Variants in NCOR2 observed in about 807,000 individuals in gnomAD.
The protein encoded by NCOR2 is CTG repeat protein 26.
NCOR2 carries 81 observed loss-of-function variants against 262.9 expected under a neutral mutation model. That is an observed-to-expected ratio of 0.31 (90% confidence interval 0.26 to 0.37). The LOEUF is 0.37. NCOR2 is among the 10% of genes least tolerant of loss of function. The pLI is 1.00. For synonymous variants in NCOR2, 1,659 were observed against 1,559.3 expected (o/e 1.06, Z -1.51); for missense variants, 3,385 against 3,621.4 (o/e 0.93, Z 1.68).
At chr12:124,337,362 C>T (rs768479022) in intron 37 of NCOR2, 182 bp from the exon 40 acceptor site, 11 of 766,216 alleles carry the variant, frequency 1.4e-5, no homozygotes, top group East Asian at 1.1e-4. Context: ...CCCACTCATT[C>T]GTTCATTCAT....
At chr12:124,337,840 C>A (rs1420263841) in intron 37 of NCOR2, among the ~76,000 whole-genome samples, 1 of 152,204 alleles carries the variant, frequency 6.6e-6, no homozygotes, top group African/African-American at 2.4e-5. Flanking sequence ...ACCCACGTGG[C>A]CTTCCCGGAG....
At chr12:124,341,862 C>T (rs1466370963) in exon 34 of NCOR2, 4 of 1,610,494 alleles carry the variant, frequency 2.5e-6, no homozygotes, top group African/African-American at 1.3e-5. Context: ...AGCGAGGACT[C>T]GCGGGGCGAG....
intron 1 of NCOR2, among the ~76,000 whole-genome samples, chr12:124,559,212 G>C (rs1024391725): frequency 6.6e-6 from 1 of 152,226 alleles, no homozygotes; most frequent in Admixed American, 6.5e-5. Context: ...AGCAGGAGAA[G>C]CAGGGGACCT....
At chr12:124,423,328 C>G (rs11057618) in intron 11 of NCOR2, among the ~76,000 whole-genome samples, 1 of 152,296 alleles carries the variant, frequency 6.6e-6, no homozygotes, top group South Asian at 2.1e-4. Flanking sequence ...CCACAGCCTT[C>G]GCAGGGAGAG....
Position 124,447,281 on chromosome 12 carries a change from G to A in NCOR2, c.815+2534C>T, listed in dbSNP as rs185048210. 5.9e-5 allele frequency among the ~76,000 whole-genome samples: 9 copies of A among 152,298 alleles called. 1 individual carries two copies. The highest frequency in any genetic ancestry group is 2.6e-4 in the Admixed American group (4 of 15,300). On this transcript the variant is annotated intron_variant, in intron 7 of 46. Transcript: ENST00000405201. ...AGATTTGGAACAAATTCAGTGAGGC[G>A]GTTACCTATTTAGTCAAAATGCACT...
chr12:124,433,101 C>T (rs935383971), intron 8 of NCOR2, among the ~76,000 whole-genome samples: 3 of 152,328 alleles, frequency 2.0e-5, no homozygotes, highest in East Asian at 1.9e-4. Flanking sequence ...CCTCCATCCT[C>T]GACAGCCCCG....
chr12:124,327,064 C>T (rs900228217), intron 45 of NCOR2, among the ~76,000 whole-genome samples: 1 of 152,182 alleles, frequency 6.6e-6, no homozygotes, highest in African/African-American at 2.4e-5. Flanking sequence ...TCACTCCAGC[C>T]TGCTCTCCCC....
At chr12:124,398,261 C>A in intron 15 of NCOR2, 80 bp from the exon 18 acceptor site, 1 of 1,493,344 alleles carries the variant, frequency 6.7e-7, no homozygotes, top group Non-Finnish European at 9.3e-7. Flanking sequence ...TCCTTTGAGC[C>A]AGGGAGGGAG....
chr12:124,329,278 A>G (rs2034969799), intron 44 of NCOR2: 1 of 380,846 alleles, frequency 2.6e-6, no homozygotes, highest in Non-Finnish European at 5.2e-6. Flanking sequence ...CCTGGCCAAT[A>G]TGATGAAACC....
upstream of NCOR2, among the ~76,000 whole-genome samples, chr12:124,498,098 G>A (rs1370470721): frequency 6.6e-6 from 1 of 152,242 alleles, no homozygotes; most frequent in East Asian, 1.9e-4. Flanking sequence ...CACTTCTGCA[G>A]GGTGCTGTTC....
At position 124,355,625 on chromosome 12, in the gene NCOR2, C is replaced by T. The variant is rs1012550868; in HGVS notation, c.3242-54G>A. 8.4e-5 allele frequency: 126 copies of T among 1,492,704 alleles called. No individual in the cohort carries two copies. The African/African-American group carries it at 1.1e-3, about 13-fold the overall frequency. 92.5% of individuals were successfully genotyped at this position (1,492,704 alleles called of 1,614,324 possible). On this transcript the variant is annotated intron_variant, in intron 23 of 46. Coordinates refer to ENST00000405201, the Ensembl canonical transcript of NCOR2. ...GGCCCAGGAGCGGTCACGTCCCTGC[C>T]GGACACACACTCCAGGCTGCACTCC... is the stretch of plus-strand genomic sequence containing the variant.
At chr12:124,418,401 G>A (rs2043022235) in intron 13 of NCOR2, among the ~76,000 whole-genome samples, 1 of 152,178 alleles carries the variant, frequency 6.6e-6, no homozygotes. Context: ...CAGACACTGG[G>A]ACCCCGCCCC....
chr12:124,420,577 C>T (rs1179999053), intron 12 of NCOR2, among the ~76,000 whole-genome samples: 6 of 152,228 alleles, frequency 3.9e-5, no homozygotes, highest in Admixed American at 2.0e-4. Flanking sequence ...CCACGCCCCA[C>T]GCGCCTCTTC....
intron 30 of NCOR2, chr12:124,347,454 C>A (rs2037030613): frequency 4.2e-6 from 1 of 236,432 alleles, no homozygotes; most frequent in South Asian, 1.2e-4. Context: ...GTGCCATGGA[C>A]CAGCCGCGAG....
At position 124,548,988 on chromosome 12, in the gene NCOR2, G is replaced by A. The variant is rs1467780686; in HGVS notation, c.-164-13377C>T. Reference sequence around the variant, plus strand: ...CCCCTTACCCGACGGTTGGGGCACCGCACAGATTTTTGCTGTTGTTGTTAA... The same window carrying A: ...CCCCTTACCCGACGGTTGGGGCACCACACAGATTTTTGCTGTTGTTGTTAA... On this transcript the variant is annotated intron_variant, in intron 1 of 32. Transcript: ENST00000458234. This position sits in a 1 kb window ranked among gnomAD's most constrained non-coding sequence, Gnocchi z 5.1. Among the ~76,000 whole-genome samples, 2 of 152,130 alleles carry A rather than the reference G, an allele frequency of 1.3e-5. No individual in the cohort carries two copies. Among genetic ancestry groups the A allele is most frequent in the Non-Finnish European group, 2.9e-5 (2 of 68,024 alleles).
At chr12:124,506,562 G>A (rs545895449) in intron 1 of NCOR2, among the ~76,000 whole-genome samples, 2 of 146,206 alleles carry the variant, frequency 1.4e-5, no homozygotes, top group African/African-American at 5.0e-5. Context: ...TGCACTCCAG[G>A]TTCCTGTGGC....
rs1331000626 is a variant in NCOR2 at position 124,345,064 on chromosome 12, T to A, written c.4360-113A>T. ...TCATCTATAAGATGGAAGTGACATC[T>A]GATGCCTCCAGAGGCAGGGAGACAG... On this transcript the variant is annotated intron_variant, in intron 31 of 46. Transcript: ENST00000405201. 4 of 978,866 alleles carry A rather than the reference T, an allele frequency of 4.1e-6. No homozygotes were observed. The African/African-American group carries it at 6.6e-5, about 16-fold the overall frequency. The allele number at this position is 978,866 out of a possible 1,614,324, so 60.6% of individuals were successfully genotyped here.
At chr12:124,465,882 C>T (rs1321483246) in intron 5 of NCOR2, among the ~76,000 whole-genome samples, 1 of 152,212 alleles carries the variant, frequency 6.6e-6, no homozygotes, top group Non-Finnish European at 1.5e-5. Context: ...ATCAGCTGGA[C>T]CCTGGTGCTC....
intron 39 of NCOR2, 64 bp downstream of exon 41, chr12:124,335,419 G>C: frequency 3.2e-6 from 5 of 1,554,328 alleles, no homozygotes; most frequent in Non-Finnish European, 4.3e-6. Context: ...CTATCTGCAT[G>C]ATGGGGCCTT....
Sources: allele counts gnomAD v4.1 joint callset (sites outside exome capture counted in the v4.1 genomes callset), GRCh38; gene constraint gnomAD v4.1.1; non-coding constraint Gnocchi (gnomAD v3.1); transcripts MANE v1.5; gene names NCBI Gene and HGNC (gene_info 2026-07-23, HGNC 2026-07-21).